Variants in CDH11 observed in about 807,000 individuals in gnomAD.
The protein encoded by CDH11 is cadherin 11.
Under a neutral mutation model 67.8 loss-of-function variants are expected in CDH11, and 11 were observed. The ratio of observed to expected loss-of-function variants is 0.16; its 90% CI spans 0.10 to 0.27. The LOEUF (loss-of-function observed/expected upper bound fraction) is 0.27. Ranked by LOEUF, CDH11 falls within the 10% of genes least tolerant of loss-of-function variation. CDH11 has a pLI of 1.00. For missense variants in CDH11, 847 were observed against 1,031.2 expected (o/e 0.82, Z 2.45); for synonymous variants, 419 against 400.0 (o/e 1.05, Z -0.57).
chr16:65,110,557 G>T (rs1319471332), intron 1 of CDH11, among the ~76,000 whole-genome samples: 1 of 151,624 alleles, frequency 6.6e-6, no homozygotes, highest in Non-Finnish European at 1.5e-5. Context: ...CACCTCTGTG[G>T]CCCCTGGAAA....
chr16:65,012,626 T>C (rs2073206434), intron 2 of CDH11, among the ~76,000 whole-genome samples: 1 of 152,190 alleles, frequency 6.6e-6, no homozygotes, highest in South Asian at 2.1e-4. Flanking sequence ...ATCTTGGCAA[T>C]TAAGGACTCT....
chr16:65,065,488 C>A (rs955460379), intron 1 of CDH11, among the ~76,000 whole-genome samples: 2 of 152,170 alleles, frequency 1.3e-5, no homozygotes, highest in African/African-American at 2.4e-5. Context: ...GGACACACGA[C>A]CTGGCACAGG....
intron 4 of CDH11, among the ~76,000 whole-genome samples, chr16:64,996,491 GAA>G (rs34268273): frequency 4.4e-5 from 6 of 135,132 alleles, no homozygotes; most frequent in African/African-American, 1.1e-4. Flanking sequence ...CTCTGTCTCA[GAA>G]AAAAAAAAAA....
At chr16:65,073,185 A>C (rs1265218005) in intron 1 of CDH11, among the ~76,000 whole-genome samples, 1 of 152,260 alleles carries the variant, frequency 6.6e-6, no homozygotes, top group Non-Finnish European at 1.5e-5. Context: ...TAGAGAAAAC[A>C]AGAAACCTAG....
chr16:64,958,882 T>C (rs1198208404), intron 11 of CDH11, among the ~76,000 whole-genome samples: 1 of 152,136 alleles, frequency 6.6e-6, no homozygotes, highest in Non-Finnish European at 1.5e-5. Flanking sequence ...GGGTACTCAT[T>C]CAACAGCTGT....
At chr16:65,075,450 G>C (rs2074492528) in intron 1 of CDH11, among the ~76,000 whole-genome samples, 1 of 152,104 alleles carries the variant, frequency 6.6e-6, no homozygotes, top group Non-Finnish European at 1.5e-5. Flanking sequence ...TAGGCCTCTT[G>C]ACTCTCACTC....
intron 11 of CDH11, among the ~76,000 whole-genome samples, chr16:64,970,800 G>A (rs2071983621): frequency 6.6e-6 from 1 of 152,130 alleles, no homozygotes; most frequent in African/African-American, 2.4e-5. Context: ...TTGTCTCCCT[G>A]TTTTCACAGG....
At chr16:65,089,066 T>C (rs2074748303) in intron 1 of CDH11, among the ~76,000 whole-genome samples, 1 of 152,202 alleles carries the variant, frequency 6.6e-6, no homozygotes, top group South Asian at 2.1e-4. Context: ...CCTTCTTGTT[T>C]AGTTGAGGTC....
At chr16:65,097,028 T>C (rs2074910430) in intron 1 of CDH11, among the ~76,000 whole-genome samples, 1 of 152,192 alleles carries the variant, frequency 6.6e-6, no homozygotes, top group Non-Finnish European at 1.5e-5. Flanking sequence ...GATAAAGGCA[T>C]CATTGCAGAA....
chr16:64,951,770 T>C, intron 11 of CDH11, among the ~76,000 whole-genome samples: 1 of 152,268 alleles, frequency 6.6e-6, no homozygotes, highest in East Asian at 1.9e-4. Context: ...AAACTATGAA[T>C]CCACTCATTA....
At chr16:64,959,072 C>T (rs147685356) in intron 11 of CDH11, among the ~76,000 whole-genome samples, 1,609 of 152,198 alleles carry the variant, frequency 0.011, 17 homozygotes, top group Non-Finnish European at 0.014. Context: ...AAATAATTTA[C>T]CAAGACTCTG....
chr16:65,101,953 G>C (rs1305832312), intron 1 of CDH11, among the ~76,000 whole-genome samples: 1 of 152,028 alleles, frequency 6.6e-6, no homozygotes, highest in Non-Finnish European at 1.5e-5. Context: ...TAGTCTGATG[G>C]GTTTTTTGTT....
chr16:65,100,166 A>G (rs564818956), intron 1 of CDH11, among the ~76,000 whole-genome samples: 59 of 152,260 alleles, frequency 3.9e-4, no homozygotes, highest in African/African-American at 1.4e-3. Context: ...AAGTGGGTGG[A>G]TAGTGTTGAC....
chr16:65,004,270 G>A (rs1001895607), intron 3 of CDH11, among the ~76,000 whole-genome samples: 3 of 152,122 alleles, frequency 2.0e-5, no homozygotes, highest in Non-Finnish European at 4.4e-5. Context: ...CTACTCAGGA[G>A]GCTAAAGCAG....
chr16:65,112,527 T>C (rs186418257), intron 1 of CDH11, among the ~76,000 whole-genome samples: 2 of 152,324 alleles, frequency 1.3e-5, no homozygotes, highest in East Asian at 3.9e-4. Context: ...GCTGTTAATA[T>C]TGTCAGCTCT....
intron 2 of CDH11, among the ~76,000 whole-genome samples, chr16:65,042,895 C>T (rs548905023): frequency 1.3e-5 from 2 of 152,162 alleles, no homozygotes; most frequent in Non-Finnish European, 2.9e-5. Context: ...GCCCCAACTT[C>T]ACTCTGGGTC....
chr16:65,093,254 A>C (rs2074825268), intron 1 of CDH11, among the ~76,000 whole-genome samples: 1 of 147,334 alleles, frequency 6.8e-6, no homozygotes, highest in South Asian at 2.1e-4. Flanking sequence ...GGAGGGTACT[A>C]AAGGCAAAAA....
chr16:65,034,524 G>T (rs575762401), intron 2 of CDH11, among the ~76,000 whole-genome samples: 1 of 152,222 alleles, frequency 6.6e-6, no homozygotes, highest in East Asian at 1.9e-4. Context: ...GTTCAAAGCC[G>T]ACCTCTGCCC....
chr16:64,970,087 G>C (rs903992438), intron 11 of CDH11, among the ~76,000 whole-genome samples: 1 of 152,130 alleles, frequency 6.6e-6, no homozygotes, highest in African/African-American at 2.4e-5. Flanking sequence ...TGTTTCGTAG[G>C]CTTCTTTAAA....
Sources: allele counts gnomAD v4.1 joint callset (sites outside exome capture counted in the v4.1 genomes callset), GRCh38; gene constraint gnomAD v4.1.1; transcripts MANE v1.5; gene names NCBI Gene and HGNC (gene_info 2026-07-23, HGNC 2026-07-21).